Variants in TFCP2 observed in about 807,000 individuals in gnomAD.
The protein encoded by TFCP2 is transcription factor CP2.
TFCP2 carries 33 observed loss-of-function variants against 73.4 expected under a neutral mutation model. The ratio of observed to expected loss-of-function variants is 0.45; its 90% confidence interval spans 0.34 to 0.60. The LOEUF is 0.60. Ranked by LOEUF, TFCP2 falls within the 20% of genes least tolerant of loss-of-function variation. The pLI, the probability that TFCP2 is intolerant of heterozygous loss-of-function variation, is 0.01. For missense variants in TFCP2, 352 were observed against 604.0 expected (o/e 0.58, Z 4.37); for synonymous variants, 193 against 211.6 (o/e 0.91, Z 0.76).
chr12:51,106,460 T>C, intron 8 of TFCP2, 65 bp downstream of exon 8: 3 of 1,200,214 alleles, frequency 2.5e-6, no homozygotes, highest in African/African-American at 1.5e-5. Context: ...ATCTTGTTTA[T>C]GAACAGGTAA....
chr12:51,134,652 T>G (rs898945329), intron 1 of TFCP2, among the ~76,000 whole-genome samples: 1 of 152,200 alleles, frequency 6.6e-6, no homozygotes, highest in Non-Finnish European at 1.5e-5. Context: ...AAAATACTGT[T>G]CTAGTCTTTT....
intron 1 of TFCP2, among the ~76,000 whole-genome samples, chr12:51,133,867 A>G (rs1262700648): frequency 6.7e-6 from 1 of 148,698 alleles, no homozygotes; most frequent in Non-Finnish European, 1.5e-5. Flanking sequence ...GGTTGCAGTG[A>G]CCTGTGATTG....
intron 1 of TFCP2, among the ~76,000 whole-genome samples, chr12:51,168,177 T>C (rs1941792249): frequency 6.6e-6 from 1 of 151,946 alleles, no homozygotes; most frequent in African/African-American, 2.4e-5. Context: ...GGAAGAACTG[T>C]TTGAGCCCAG....
intron 13 of TFCP2, among the ~76,000 whole-genome samples, chr12:51,098,574 T>G (rs972317255): frequency 6.6e-6 from 1 of 151,184 alleles, no homozygotes; most frequent in Non-Finnish European, 1.5e-5. Context: ...CGCAGTGACC[T>G]GAGATTGGGC....
chr12:51,166,107 G>A (rs888579890), intron 1 of TFCP2, among the ~76,000 whole-genome samples: 3 of 151,992 alleles, frequency 2.0e-5, no homozygotes, highest in Non-Finnish European at 4.4e-5. Flanking sequence ...CTGAGGTCAG[G>A]AGTTTGAGAC....
Position 51,103,702 on chromosome 12 carries a change from G to C in TFCP2, c.1028C>G (p.Ser343Cys), listed in dbSNP as rs940248001. The C allele has an allele frequency of 1.9e-6, 3 of 1,614,098 alleles. No homozygotes were observed. Among genetic ancestry groups the C allele is most frequent in the Non-Finnish European group, 2.5e-6 (3 of 1,179,994 alleles). The stretch of plus-strand genomic sequence containing the variant: ...GTTTGTGAAAAGCCTTGTGAATGTA[G>C]AAAAACGATTTCGATGCAACCACTG... ...AQQWLHRNRF[S>C]TFTRLFTNFS... Residue 343 changes from serine to cysteine, a missense_variant, in exon 10 of 15, where the codon TCT (serine) becomes TGT (cysteine). By Grantham distance (112) the Ser-to-Cys change is moderately radical. This residue lies in a region of TFCP2 where 194 missense variants were observed against 256.3 expected (regional missense o/e 0.76). Coordinates refer to ENST00000257915, the MANE Select transcript of TFCP2 (RefSeq NM_005653.5).
At chr12:51,132,163 T>C (rs2436636) in intron 1 of TFCP2, among the ~76,000 whole-genome samples, 139,069 of 151,944 alleles carry the variant, frequency 0.92, 64,033 homozygotes, top group Non-Finnish European at 0.97. Flanking sequence ...AAAAACCACT[T>C]GAGATTTCAT....
rs747611496 is a variant in TFCP2, at chr12:51,116,410, C to A, written c.362G>T (p.Arg121Leu). Residue 121 changes from arginine (R) to leucine (L), a missense_variant, in exon 4 of 15, where the codon CGT (arginine) becomes CTT (leucine). Transcript: ENST00000257915. ...INGKLVKSIFRVVFHDRRLQY... is the reference protein window; with the variant it reads ...INGKLVKSIFLVVFHDRRLQY... ...AAGCCTTCTGTCATGGAACACCACA[C>A]GGAATATACTCTAAAAGGATACAAC... is the stretch of plus-strand genomic sequence containing the variant. The A allele has an allele frequency of 3.2e-6, 5 of 1,585,878 alleles. No individual in the cohort carries two copies. The highest frequency in any genetic ancestry group is 4.3e-6 in the Non-Finnish European group (5 of 1,161,536).
chr12:51,102,125 G>A, intron 10 of TFCP2, 100 bp from the exon 11 acceptor site: 1 of 809,362 alleles, frequency 1.2e-6, no homozygotes, highest in Non-Finnish European at 2.0e-6. Flanking sequence ...TTACCAGAAT[G>A]TTACAATCCA....
chr12:51,101,074 C>A (rs1024454268), intron 11 of TFCP2, among the ~76,000 whole-genome samples: 3 of 152,090 alleles, frequency 2.0e-5, no homozygotes, highest in Non-Finnish European at 2.9e-5. Context: ...GAGGCCAAGG[C>A]GGGTGGATCA....
intron 8 of TFCP2, among the ~76,000 whole-genome samples, chr12:51,104,409 C>G (rs915224288): frequency 8.6e-5 from 13 of 152,034 alleles, no homozygotes; most frequent in African/African-American, 3.1e-4. Context: ...GAAACTATGT[C>G]ATTAGCAATA....
intron 12 of TFCP2, 22 bp from the exon 13 acceptor site, chr12:51,098,940 A>T (rs1940038223): frequency 6.2e-7 from 1 of 1,613,106 alleles, no homozygotes; most frequent in African/African-American, 1.3e-5. Flanking sequence ...AGAGAGCAAC[A>T]GCAGTCAGTA....
At chr12:51,105,117 G>A (rs1376293589) in intron 8 of TFCP2, among the ~76,000 whole-genome samples, 4 of 149,458 alleles carry the variant, frequency 2.7e-5, no homozygotes, top group African/African-American at 7.4e-5. Flanking sequence ...TTTTTGAGAC[G>A]GAGTTTCACT....
chr12:51,142,085 C>A (rs1402260498), intron 1 of TFCP2, among the ~76,000 whole-genome samples: 1 of 150,980 alleles, frequency 6.6e-6, no homozygotes, highest in Non-Finnish European at 1.5e-5. Context: ...CACCTGTAAT[C>A]CCAGCTACTC....
intron 1 of TFCP2, among the ~76,000 whole-genome samples, chr12:51,130,660 C>A (rs1434130657): frequency 6.6e-6 from 1 of 152,032 alleles, no homozygotes; most frequent in Non-Finnish European, 1.5e-5. Context: ...TATATACTGG[C>A]TAAACTAACT....
At chr12:51,121,033 T>C (rs1227925249) in intron 1 of TFCP2, among the ~76,000 whole-genome samples, 1 of 146,626 alleles carries the variant, frequency 6.8e-6, no homozygotes, top group Non-Finnish European at 1.5e-5. Flanking sequence ...CACAGTAAAG[T>C]TTTTTTTAAA....
At chr12:51,140,364 C>T (rs1306317598) in intron 1 of TFCP2, among the ~76,000 whole-genome samples, 1 of 151,122 alleles carries the variant, frequency 6.6e-6, no homozygotes. Flanking sequence ...AGTAATTCAA[C>T]ACCAGCCTGA....
intron 4 of TFCP2, among the ~76,000 whole-genome samples, chr12:51,115,342 G>C (rs1185542658): frequency 6.6e-6 from 1 of 151,996 alleles, no homozygotes; most frequent in Non-Finnish European, 1.5e-5. Flanking sequence ...GGATGGTCTC[G>C]ATTTCCTGAC....
chr12:51,095,379 G>A, intron 14 of TFCP2, 101 bp from the exon 15 acceptor site: 6 of 1,282,450 alleles, frequency 4.7e-6, no homozygotes, highest in Non-Finnish European at 6.7e-6. Flanking sequence ...GGGAGAAAAG[G>A]GAGGTGGAGG....
Sources: allele counts gnomAD v4.1 joint callset (sites outside exome capture counted in the v4.1 genomes callset), GRCh38; gene constraint gnomAD v4.1.1; regional missense constraint gnomAD v4.1.1; transcripts MANE v1.5; gene names NCBI Gene and HGNC (gene_info 2026-07-23, HGNC 2026-07-21).